The following ALDH6A1 variants were observed in gnomAD, a reference collection of about 807,000 sequenced individuals.
ALDH6A1 encodes methylmalonate-semialdehyde/malonate-semialdehyde dehydrogenase [acylating], mitochondrial.
A neutral mutation model predicts 62.6 loss-of-function variants in ALDH6A1; 43 were observed. The ratio of observed to expected loss-of-function variants is 0.69; its 90% CI spans 0.54 to 0.89. The LOEUF (loss-of-function observed/expected upper bound fraction) is 0.89. Ranked by LOEUF, ALDH6A1 falls within the 40% of genes least tolerant of loss-of-function variation. The pLI is 0.00. For synonymous variants in ALDH6A1, 194 were observed against 234.2 expected, an observed-to-expected ratio of 0.83 and a Z score of 1.57; for missense variants, 551 against 661.3, an observed-to-expected ratio of 0.83 and a Z score of 1.83.
Position 74,060,621 on chromosome 14 carries a change from C to G in ALDH6A1, c.*21G>C. ...AAAGGGAGATTACTCAGGATGGAGTCAGTCTTAAACAAACTTGTTTCTAAC... is the reference window on the plus strand; with the variant it reads ...AAAGGGAGATTACTCAGGATGGAGTGAGTCTTAAACAAACTTGTTTCTAAC... On this transcript the variant is annotated 3_prime_UTR_variant, in exon 12 of 12. Coordinates refer to ENST00000553458, the MANE Select transcript of ALDH6A1 (RefSeq NM_005589.4). 6.6e-7 allele frequency: 1 copy of G among 1,511,988 alleles called. No homozygotes were observed. The highest frequency in any genetic ancestry group is 1.7e-5 in the Admixed American group (1 of 59,856). 93.7% of individuals were successfully genotyped at this position (1,511,988 alleles called of 1,614,324 possible). A position where few individuals can be genotyped will look rare whatever the true frequency, so the allele number is the denominator to read the frequency against.
intron 5 of ALDH6A1, 60 bp from the exon 6 acceptor site, chr14:74,071,557 G>C (rs1406584528): frequency 1.9e-6 from 3 of 1,611,452 alleles, no homozygotes; most frequent in Non-Finnish European, 2.5e-6. Flanking sequence ...GCTTTGTCCT[G>C]TTCTCTTCAG....
chr14:74,067,455 C>T lies in ALDH6A1; in HGVS notation c.967G>A (p.Ala323Thr). ...AGQRCMALSTAVLVGEAKKWL... is the reference protein window; with the variant it reads ...AGQRCMALSTTVLVGEAKKWL... ...TTCTTGGCTTCTCCCACAAGGACTG[C>T]TGTTGAAAGAGCCATGCAGCGCTGA... The change falls in exon 8 of 12, where the codon GCA (alanine) becomes ACA (threonine). Residue 323 changes from alanine to threonine, a missense_variant. By Grantham distance (58) the Ala-to-Thr change is moderately conservative (BLOSUM62 0). Coordinates refer to ENST00000553458, the MANE Select transcript of ALDH6A1 (RefSeq NM_005589.4). 6.2e-7 allele frequency: 1 copy of T among 1,614,208 alleles called. No individual in the cohort carries two copies. The highest frequency in any genetic ancestry group is 8.5e-7 in the Non-Finnish European group (1 of 1,180,046).
chr14:74,062,136 C>G (rs1595106872), intron 11 of ALDH6A1, among the ~76,000 whole-genome samples: 1 of 147,016 alleles, frequency 6.8e-6, no homozygotes, highest in Non-Finnish European at 1.5e-5. Flanking sequence ...GTGGAGGTTG[C>G]AAGTGAGCCG....
At chr14:74,079,963 T>C (rs771916989) in intron 1 of ALDH6A1, among the ~76,000 whole-genome samples, 1 of 152,012 alleles carries the variant, frequency 6.6e-6, no homozygotes, top group Non-Finnish European at 1.5e-5. Flanking sequence ...ACCTAAGCCT[T>C]GGAGATTGAG....
Position 74,072,618 on chromosome 14 carries a change from AAAACAAACAAAC to A in ALDH6A1, c.112-19_112-8del. ...TGAAGAGCTTTACAGTTGGCTGAAA[AAAACAAACAAAC>A]AAACAAACAAACAAAAACATGAAAC... On this transcript the variant is annotated splice_polypyrimidine_tract_variant and splice_region_variant and intron_variant, in intron 2 of 11. Transcript: ENST00000553458. 1.9e-6 allele frequency: 3 copies of A among 1,607,732 alleles called. 1 individual carries two copies. The highest frequency in any genetic ancestry group is 3.3e-4 in the Middle Eastern group (2 of 6,050).
At chr14:74,066,000 A>C (rs554324257) in intron 9 of ALDH6A1, 3 of 155,358 alleles carry the variant, frequency 1.9e-5, no homozygotes, top group Non-Finnish European at 4.3e-5. Context: ...GTAAGGATAT[A>C]TGAATTTCAA....
intron 1 of ALDH6A1, 76 bp downstream of exon 1, chr14:74,084,271 C>G (rs754768335): frequency 4.0e-4 from 650 of 1,605,484 alleles, no homozygotes; most frequent in Non-Finnish European, 3.8e-4. Context: ...GTGGTCCCGC[C>G]CGAGGATGGC....
In ALDH6A1 at chr14:74,079,512, C is replaced by T. The variant is rs367727133; in HGVS notation, c.49-4495G>A. Among the ~76,000 whole-genome samples, 542 of 151,688 alleles carry T rather than the reference C, an allele frequency of 3.6e-3. 5 individuals carry two copies. The highest frequency in any genetic ancestry group is 0.013 in the African/African-American group (530 of 41,294). Reference sequence around the variant, plus strand: ...GCAGTTGCGCGATCTTGGCTCACCGCAAGCTCCGCCTCCTGGGTTCACACC... The same window carrying T: ...GCAGTTGCGCGATCTTGGCTCACCGTAAGCTCCGCCTCCTGGGTTCACACC... On this transcript the variant is annotated intron_variant, in intron 1 of 11. Coordinates refer to ENST00000553458, the MANE Select transcript of ALDH6A1 (RefSeq NM_005589.4).
chr14:74,078,308 C>A (rs2060635159), intron 1 of ALDH6A1: 1 of 454,980 alleles, frequency 2.2e-6, no homozygotes, highest in Non-Finnish European at 4.4e-6. Flanking sequence ...GGAAAAGTGA[C>A]CGAGACAGTG....
chr14:74,068,190 G>T (rs954353600), intron 7 of ALDH6A1, among the ~76,000 whole-genome samples: 6 of 151,260 alleles, frequency 4.0e-5, no homozygotes, highest in African/African-American at 1.5e-4. Flanking sequence ...TTCAAGACCA[G>T]CTTGGCCAAG....
At chr14:74,084,135 AG>A (rs1392042667) in intron 1 of ALDH6A1, among the ~76,000 whole-genome samples, 1 of 152,096 alleles carries the variant, frequency 6.6e-6, no homozygotes, top group Non-Finnish European at 1.5e-5. Context: ...AAAAGGGTAG[AG>A]GGCCAAGGGT....
intron 1 of ALDH6A1, among the ~76,000 whole-genome samples, chr14:74,077,073 A>G (rs1242928347): frequency 6.6e-6 from 1 of 152,154 alleles, no homozygotes; most frequent in Non-Finnish European, 1.5e-5. Context: ...AGTCCTTCCA[A>G]ATACCTCATC....
chr14:74,063,678 CA>C (rs998906105), intron 11 of ALDH6A1, among the ~76,000 whole-genome samples: 1 of 151,260 alleles, frequency 6.6e-6, no homozygotes, highest in African/African-American at 2.4e-5. Context: ...CCAGCCTGGC[CA>C]AAATGGTGAA....
At chr14:74,068,177 G>C (rs1566830985) in intron 7 of ALDH6A1, among the ~76,000 whole-genome samples, 2 of 151,730 alleles carry the variant, frequency 1.3e-5, no homozygotes, top group South Asian at 2.1e-4. Context: ...TTGAGGTCAG[G>C]AGTTCAAGAC....
At chr14:74,080,059 C>A in intron 1 of ALDH6A1, among the ~76,000 whole-genome samples, 1 of 151,810 alleles carries the variant, frequency 6.6e-6, no homozygotes, top group Non-Finnish European at 1.5e-5. Context: ...AACCAAAAAA[C>A]AAAAGCAAAA....
rs768819153 is a variant in ALDH6A1, at chr14:74,071,895, C to T, written c.427+1G>A. 9.3e-6 allele frequency: 15 copies of T among 1,614,122 alleles called. No homozygotes were observed. Among genetic ancestry groups the T allele is most frequent in the Middle Eastern group, 1.7e-4 (1 of 6,060 alleles). Reference sequence around the variant, plus strand: ...AGTCCCATAAGGGGCTCCCAGCTTACGAAGGCCTCGAAATACATCTCCTTC... The same window carrying T: ...AGTCCCATAAGGGGCTCCCAGCTTATGAAGGCCTCGAAATACATCTCCTTC... On this transcript the variant is annotated splice_donor_variant, in intron 5 of 11. Transcript: ENST00000553458. LOFTEE classifies it high-confidence loss of function.
chr14:74,080,298 C>A (rs1235200203), intron 1 of ALDH6A1, among the ~76,000 whole-genome samples: 1 of 151,966 alleles, frequency 6.6e-6, no homozygotes, highest in Non-Finnish European at 1.5e-5. Flanking sequence ...TCTATACCAT[C>A]ATTGTCTCTC....
chr14:74,063,470 C>A (rs573633586), intron 11 of ALDH6A1, among the ~76,000 whole-genome samples: 50 of 152,062 alleles, frequency 3.3e-4, no homozygotes, highest in African/African-American at 1.1e-3. Context: ...CAGGCGTAAG[C>A]CACTGCACCT....
intron 9 of ALDH6A1, 96 bp from the exon 10 acceptor site, chr14:74,065,456 G>C (rs914079061): frequency 3.6e-6 from 4 of 1,117,804 alleles, no homozygotes; most frequent in South Asian, 1.3e-5. Flanking sequence ...CATCATTTAC[G>C]TGGACAACTT....
Sources: gnomAD v4.1 joint callset for allele counts (sites outside exome capture counted in the v4.1 genomes callset) on GRCh38, gnomAD v4.1.1 for gene constraint, MANE v1.5 for transcripts, NCBI Gene and HGNC (gene_info 2026-07-23, HGNC 2026-07-21) for gene names.